The following ASXL3 variants were observed in gnomAD, a reference collection of about 807,000 sequenced individuals.
The protein encoded by ASXL3 is ASXL transcriptional regulator 3.
Under a neutral mutation model 170.6 loss-of-function variants are expected in ASXL3, and 34 were observed. That is an observed-to-expected ratio of 0.20 (90% CI 0.15 to 0.27). The LOEUF is 0.27. Ranked by LOEUF, ASXL3 falls within the 10% of genes least tolerant of loss-of-function variation. ASXL3 has a pLI of 1.00. For synonymous variants in ASXL3, 1,002 were observed against 989.1 expected (o/e 1.01, Z -0.24); for missense variants, 2,592 against 2,695.3 (o/e 0.96, Z 0.85).
rs530694371 is a variant in ASXL3, at chr18:33,592,316, T to G, written c.54+13631T>G. 3.9e-5 allele frequency among the ~76,000 whole-genome samples: 6 copies of G among 152,370 alleles called. 1 individual carries two copies. The highest frequency in any genetic ancestry group is 1.4e-4 in the African/African-American group (6 of 41,594). ...TCTTTAAGTTATTTAAATAAAAATC[T>G]TTCTCTGTCTTTAATACATGAGCAA... On this transcript the variant is annotated intron_variant, in intron 1 of 11. Coordinates refer to ENST00000269197, the MANE Select transcript of ASXL3 (RefSeq NM_030632.3).
intron 1 of ASXL3, among the ~76,000 whole-genome samples, chr18:33,591,204 G>A (rs944429543): frequency 6.6e-6 from 1 of 152,136 alleles, no homozygotes; most frequent in African/African-American, 2.4e-5. Context: ...GAGCCCAAAT[G>A]AATCAAATAT....
intron 8 of ASXL3, among the ~76,000 whole-genome samples, chr18:33,715,411 C>A (rs1174754150): frequency 2.0e-5 from 3 of 152,204 alleles, no homozygotes; most frequent in Non-Finnish European, 2.9e-5. Context: ...GCTACACATT[C>A]TGCCCCATAT....
chr18:33,677,738 C>A (rs952565102), intron 7 of ASXL3, among the ~76,000 whole-genome samples: 8 of 152,180 alleles, frequency 5.3e-5, no homozygotes, highest in Non-Finnish European at 1.0e-4. Context: ...TTAATGGACT[C>A]AGTGCTCCAT....
At chr18:33,695,671 A>C (rs1056159060) in intron 8 of ASXL3, among the ~76,000 whole-genome samples, 12 of 152,152 alleles carry the variant, frequency 7.9e-5, no homozygotes, top group Non-Finnish European at 1.6e-4. Context: ...ATTCTAGTCT[A>C]TGCATAAGGC....
In ASXL3 at chr18:33,675,634, G is replaced by A. The variant is rs188482797; in HGVS notation, c.715+3768G>A. On this transcript the variant is annotated intron_variant, in intron 7 of 11. Transcript: ENST00000269197. ...AAATTCTTCTGATTGTCCCCTAAGT[G>A]CTTCCTCTTGATTTCTAGCAATTAG... 4.0e-3 allele frequency among the ~76,000 whole-genome samples: 605 copies of A among 152,178 alleles called. 4 individuals are homozygous for A. Among genetic ancestry groups the A allele is most frequent in the Non-Finnish European group, 5.7e-3 (388 of 68,012 alleles).
At chr18:33,636,305 TCAACAACAA>T (rs367963281) in intron 2 of ASXL3, among the ~76,000 whole-genome samples, 60 of 110,742 alleles carry the variant, frequency 5.4e-4, no homozygotes, top group African/African-American at 2.0e-3. Flanking sequence ...AACCACTGAT[TCAACAACAA>T]CAACAACAAC....
At chr18:33,692,439 T>G (rs1941689) in intron 8 of ASXL3, among the ~76,000 whole-genome samples, 88,596 of 151,876 alleles carry the variant, frequency 0.58, 26,430 homozygotes, top group East Asian at 0.94. Flanking sequence ...CTTCCTACTA[T>G]CTCTGCAGGG....
rs9964810 is a variant in ASXL3 at position 33,646,094 on chromosome 18, T to C, written c.247-151T>C. The C allele has an allele frequency of 0.59, 270,289 of 460,966 alleles. 86,794 individuals carry two copies. Among genetic ancestry groups the C allele is most frequent in the East Asian group, 0.89 (20,381 of 23,026 alleles). 28.6% of individuals were successfully genotyped at this position (460,966 alleles called of 1,614,324 possible). A position where few individuals can be genotyped will look rare whatever the true frequency, so the allele number is the denominator to read the frequency against. On this transcript the variant is annotated intron_variant, in intron 3 of 11. Transcript: ENST00000269197. ...GGCTTTACCCAGTTTTTTTTTTTAA[T>C]GGAAGAATGATTTTACATTAAAAAG...
Position 33,739,756 on chromosome 18 carries a change from T to G in ASXL3, c.2352T>G (p.Asp784Glu), listed in dbSNP as rs780852673. Residue 784 changes from aspartate to glutamate, a missense_variant, in exon 11 of 12, where the codon GAT becomes GAG. Physicochemically the swap from Asp to Glu is conservative, Grantham distance 45. Transcript: ENST00000269197. ...AAGAGCCACTCTCCCCGCAGAAAGA[T>G]GAGTCTTCCGCCACTGCCAAACCTC... ...VSEEPLSPQK[D>E]ESSATAKPLG... 6.2e-7 allele frequency: 1 copy of G among 1,613,840 alleles called. No individual in the cohort carries two copies. Among genetic ancestry groups the G allele is most frequent in the Non-Finnish European group, 8.5e-7 (1 of 1,179,834 alleles).
Position 33,749,603 on chromosome 18 carries a change from T to C in ASXL3, c.*3008T>C, listed in dbSNP as rs945763208. 6.6e-6 allele frequency: 1 copy of C among 152,166 alleles called. No individual in the cohort carries two copies. The highest frequency in any genetic ancestry group is 1.5e-5 in the Non-Finnish European group (1 of 68,028). The allele number at this position is 152,166 out of a possible 1,614,324, so 9.4% of individuals were successfully genotyped here. ...GTTAATGGGCATGTTAATAAGAGCA[T>C]TGTGATGCAAATTCATTTTCAAAAT... On this transcript the variant is annotated 3_prime_UTR_variant, in exon 12 of 12. Transcript: ENST00000269197.
chr18:33,688,849 T>C (rs1368362261), intron 8 of ASXL3, among the ~76,000 whole-genome samples: 1 of 152,236 alleles, frequency 6.6e-6, no homozygotes, highest in Non-Finnish European at 1.5e-5. Flanking sequence ...CAGGAGGGCC[T>C]GTGCCCTCCA....
intron 7 of ASXL3, among the ~76,000 whole-genome samples, chr18:33,680,984 C>A (rs953415900): frequency 7.3e-5 from 11 of 151,260 alleles, no homozygotes; most frequent in Admixed American, 1.3e-4. Context: ...CCTTTTGTGC[C>A]TTCCTTTTGA....
At chr18:33,672,000 A>G (rs1049799087) in intron 7 of ASXL3, 134 bp downstream of exon 7, 32 of 946,002 alleles carry the variant, frequency 3.4e-5, no homozygotes, top group Non-Finnish European at 4.9e-5. Flanking sequence ...TATCAAAACC[A>G]AAAAGAATGC....
chr18:33,628,911 G>A (rs1283395996), intron 2 of ASXL3, among the ~76,000 whole-genome samples: 1 of 152,024 alleles, frequency 6.6e-6, no homozygotes, highest in Non-Finnish European at 1.5e-5. Flanking sequence ...CATACTAGCA[G>A]TTTTCATTTT....
At chr18:33,686,518 C>T (rs949500573) in intron 8 of ASXL3, among the ~76,000 whole-genome samples, 1 of 152,082 alleles carries the variant, frequency 6.6e-6, no homozygotes, top group Non-Finnish European at 1.5e-5. Flanking sequence ...TTAAGTTGAA[C>T]CTTAAAGGAC....
intron 8 of ASXL3, among the ~76,000 whole-genome samples, chr18:33,699,521 A>T (rs2066833602): frequency 1.3e-5 from 2 of 152,080 alleles, no homozygotes; most frequent in Non-Finnish European, 2.9e-5. Context: ...GATGATTGAG[A>T]GTTTACCATG....
chr18:33,677,765 A>G (rs977153225), intron 7 of ASXL3, among the ~76,000 whole-genome samples: 3 of 152,102 alleles, frequency 2.0e-5, no homozygotes, highest in South Asian at 4.2e-4. Flanking sequence ...TTTTTACACA[A>G]TTTCTTCATT....
rs2065959915 is a variant in ASXL3, at chr18:33,649,200, G to A, written c.355+2847G>A. Among the ~76,000 whole-genome samples, 4 of 152,194 alleles carry A rather than the reference G, an allele frequency of 2.6e-5. No homozygotes were observed. The South Asian group carries it at 6.2e-4, about 24-fold the overall frequency. On this transcript the variant is annotated intron_variant, in intron 4 of 11. Transcript: ENST00000269197. ...GGAAAATTGATAATGTGGCAGAGGT[G>A]TTCTGTTATGGTTTGGTTAGATGAG...
chr18:33,693,736 T>G (rs1324069507), intron 8 of ASXL3, among the ~76,000 whole-genome samples: 1 of 152,176 alleles, frequency 6.6e-6, no homozygotes, highest in Non-Finnish European at 1.5e-5. Context: ...TGCTAAATAT[T>G]TATGCATTTA....
Sources: gnomAD v4.1 joint callset for allele counts (sites outside exome capture counted in the v4.1 genomes callset) on GRCh38, gnomAD v4.1.1 for gene constraint, MANE v1.5 for transcripts, NCBI Gene and HGNC (gene_info 2026-07-23, HGNC 2026-07-21) for gene names.